LMX1A: variants seen among roughly 807,000 people sequenced by gnomAD.
LMX1A encodes LIM homeobox transcription factor 1-alpha.
LMX1A carries 15 observed loss-of-function variants against 49.1 expected under a neutral mutation model. That is an observed-to-expected ratio of 0.31 (90% CI 0.20 to 0.47). The LOEUF (loss-of-function observed/expected upper bound fraction) is 0.47. Ranked by LOEUF, LMX1A falls within the 20% of genes least tolerant of loss-of-function variation. The pLI is 1.00. For synonymous variants in LMX1A, 167 were observed against 185.7 expected (o/e 0.90, Z 0.82); for missense variants, 372 against 475.8 (o/e 0.78, Z 2.03).
At chr1:165,279,478 A>T (rs535020520) in intron 3 of LMX1A, among the ~76,000 whole-genome samples, 169 of 150,252 alleles carry the variant, frequency 1.1e-3, no homozygotes, top group African/African-American at 3.8e-3. Context: ...CCAAGAGAGA[A>T]ACTGGCATTA....
chr1:165,223,333 C>T (rs939460713), intron 4 of LMX1A, among the ~76,000 whole-genome samples: 3 of 152,108 alleles, frequency 2.0e-5, no homozygotes, highest in Non-Finnish European at 4.4e-5. Context: ...CCACATATCC[C>T]CACTGGCTAA....
intron 4 of LMX1A, among the ~76,000 whole-genome samples, chr1:165,235,517 T>G (rs4657417): frequency 1 from 152,236 of 152,330 alleles, 76,071 homozygotes; most frequent in Middle Eastern, 1. Flanking sequence ...GCGGAGAGCC[T>G]TTGGATTTAC....
At chr1:165,248,587 G>A (rs995727746) in intron 4 of LMX1A, among the ~76,000 whole-genome samples, 2 of 152,066 alleles carry the variant, frequency 1.3e-5, no homozygotes, top group African/African-American at 2.4e-5. Flanking sequence ...CCTCTCTTTC[G>A]CCAACCCTCA....
intron 3 of LMX1A, among the ~76,000 whole-genome samples, chr1:165,306,902 C>G (rs1654934531): frequency 6.6e-6 from 1 of 152,256 alleles, no homozygotes; most frequent in African/African-American, 2.4e-5. Context: ...CCGCCTCCCC[C>G]TGCCCAGGCA....
intron 5 of LMX1A, 35 bp from the exon 6 acceptor site, chr1:165,210,811 G>A: frequency 6.6e-7 from 1 of 1,508,566 alleles, no homozygotes; most frequent in Non-Finnish European, 9.2e-7. Flanking sequence ...TAGACACACT[G>A]GCATCTCAGG....
chr1:165,305,757 G>A (rs1412466812), intron 3 of LMX1A, among the ~76,000 whole-genome samples: 1 of 152,092 alleles, frequency 6.6e-6, no homozygotes, highest in East Asian at 1.9e-4. Context: ...CTCACTCATG[G>A]GCACACAGCC....
chr1:165,323,015 T>C (rs1351362681), intron 3 of LMX1A, among the ~76,000 whole-genome samples: 1 of 152,112 alleles, frequency 6.6e-6, no homozygotes, highest in Non-Finnish European at 1.5e-5. Context: ...CAAATGCTAT[T>C]TTCTTCACCT....
rs186515066 is a variant in LMX1A at position 165,339,212 on chromosome 1, A to T, written c.263+13864T>A. Among the ~76,000 whole-genome samples the T allele has an allele frequency of 1.3e-3, 195 of 152,374 alleles. 1 individual carries two copies. Among genetic ancestry groups the T allele is most frequent in the Non-Finnish European group, 2.4e-3 (164 of 68,040 alleles). ...AAACATATTAACCAACCAAGTGGAC[A>T]ACGCTACAAAACAGCAGTAGCTGGG... On this transcript the variant is annotated intron_variant, in intron 3 of 8. Transcript: ENST00000342310.
chr1:165,265,758 A>C (rs900468370), intron 3 of LMX1A, among the ~76,000 whole-genome samples: 1 of 152,210 alleles, frequency 6.6e-6, no homozygotes, highest in African/African-American at 2.4e-5. Context: ...ATGAAGAAAA[A>C]TATTTCTTTC....
chr1:165,297,512 A>G (rs1654649092), intron 3 of LMX1A, among the ~76,000 whole-genome samples: 1 of 152,250 alleles, frequency 6.6e-6, no homozygotes, highest in African/African-American at 2.4e-5. Context: ...TTTGCACTTA[A>G]GAAGCAGAAC....
intron 3 of LMX1A, among the ~76,000 whole-genome samples, chr1:165,312,270 A>G (rs1655098300): frequency 6.6e-6 from 1 of 152,246 alleles, no homozygotes; most frequent in Non-Finnish European, 1.5e-5. Flanking sequence ...GGCACAGTAC[A>G]GTCTGGGAAA....
rs184371764 is a variant in LMX1A at position 165,353,295 on chromosome 1, G to C, written c.77-33C>G. The C allele has an allele frequency of 3.7e-3, 5,937 of 1,589,038 alleles. 43 individuals carry two copies. The highest frequency in any genetic ancestry group is 0.018 in the Admixed American group (1,035 of 58,924). On this transcript the variant is annotated intron_variant, in intron 2 of 8. Transcript: ENST00000342310. ...CACAACAGACGTTGGCGGGTGAGCA[G>C]CCCGGGCAGGTAGACCATGCCAAAC...
intron 4 of LMX1A, among the ~76,000 whole-genome samples, chr1:165,225,924 T>C (rs147752260): frequency 1.3e-5 from 2 of 152,394 alleles, no homozygotes; most frequent in East Asian, 3.9e-4. Context: ...AGCACATTCT[T>C]ACTTTCAGTC....
At chr1:165,276,057 G>A (rs35408456) in intron 3 of LMX1A, among the ~76,000 whole-genome samples, 16 of 152,022 alleles carry the variant, frequency 1.1e-4, no homozygotes, top group Admixed American at 2.0e-4. Flanking sequence ...AGGCTGGCAG[G>A]AAGAAGAGGG....
At chr1:165,274,495 C>T (rs941341009) in intron 3 of LMX1A, among the ~76,000 whole-genome samples, 4 of 152,108 alleles carry the variant, frequency 2.6e-5, no homozygotes, top group African/African-American at 9.7e-5. Context: ...GGTTTTGGGG[C>T]ATAGAAGCAA....
chr1:165,203,737 C>T lies in LMX1A; in HGVS notation c.*143G>A. The T allele has an allele frequency of 1.6e-6, 1 of 641,922 alleles. No individual in the cohort carries two copies. The highest frequency in any genetic ancestry group is 2.1e-5 in the South Asian group (1 of 48,478). 39.8% of individuals were successfully genotyped at this position (641,922 alleles called of 1,614,324 possible). On this transcript the variant is annotated 3_prime_UTR_variant, in exon 9 of 9. Coordinates refer to ENST00000342310, the MANE Select transcript of LMX1A (RefSeq NM_177398.4). ...AGTCTTTGGAAATGCTGAGCTACACCATATCATTATACAACAGCATCCCCA... is the reference window on the plus strand; with the variant it reads ...AGTCTTTGGAAATGCTGAGCTACACTATATCATTATACAACAGCATCCCCA...
intron 3 of LMX1A, among the ~76,000 whole-genome samples, chr1:165,251,986 T>G (rs1653075584): frequency 6.6e-6 from 1 of 152,178 alleles, no homozygotes; most frequent in African/African-American, 2.4e-5. Context: ...CCCCTTCATA[T>G]TTCCTTTTTT....
At chr1:165,331,776 G>T (rs1655749955) in intron 3 of LMX1A, among the ~76,000 whole-genome samples, 1 of 152,074 alleles carries the variant, frequency 6.6e-6, no homozygotes, top group South Asian at 2.1e-4. Flanking sequence ...AATTAGCCAG[G>T]CATGGTGGCA....
chr1:165,275,834 G>A (rs1376074809), intron 3 of LMX1A, among the ~76,000 whole-genome samples: 1 of 112,140 alleles, frequency 8.9e-6, no homozygotes, highest in African/African-American at 3.5e-5. Flanking sequence ...TTATGGCGCT[G>A]GGGTGTGTGT....
Sources: gnomAD v4.1 joint callset for allele counts (sites outside exome capture counted in the v4.1 genomes callset) on GRCh38, gnomAD v4.1.1 for gene constraint, MANE v1.5 for transcripts, NCBI Gene and HGNC (gene_info 2026-07-23, HGNC 2026-07-21) for gene names.